Variants in CHRNB3 observed in about 807,000 individuals in gnomAD.
CHRNB3 encodes the protein neuronal acetylcholine receptor subunit beta-3.
A neutral mutation model predicts 40.6 loss-of-function variants in CHRNB3; 37 were observed. The ratio of observed to expected loss-of-function variants is 0.91; its 90% CI spans 0.70 to 1.20. CHRNB3 has a LOEUF of 1.20. CHRNB3 is among the 50% of genes most tolerant of loss of function. CHRNB3 has a pLI of 0.00. For synonymous variants in CHRNB3, 207 were observed against 207.1 expected, an observed-to-expected ratio of 1.00 and a Z score of 0.00; for missense variants, 505 against 551.2, an observed-to-expected ratio of 0.92 and a Z score of 0.84.
intron 3 of CHRNB3, among the ~76,000 whole-genome samples, chr8:42,727,917 T>A (rs2128908175): frequency 6.6e-6 from 1 of 152,116 alleles, no homozygotes; most frequent in East Asian, 1.9e-4. Flanking sequence ...TACGAGAAAA[T>A]CTTCGTGACC....
chr8:42,732,084 G>C lies in CHRNB3; in HGVS notation c.777G>C (p.Ser259=), dbSNP rs924305383. Residue 259 remains serine, a synonymous_variant, in exon 5 of 6, where the codon TCG becomes TCC. Coordinates refer to ENST00000289957, the MANE Select transcript of CHRNB3 (RefSeq NM_000749.5). The stretch of plus-strand genomic sequence containing the variant: ...CAGTTCTTGTGTTCTATTTACCTTC[G>C]GATGAAGGAGAAAAACTTTCATTAT... ...FLTVLVFYLP[S]DEGEKLSLST... is the part of the protein sequence containing the mutation. The C allele has an allele frequency of 1.2e-6, 2 of 1,613,934 alleles. No individual in the cohort carries two copies. The highest frequency in any genetic ancestry group is 1.7e-6 in the Non-Finnish European group (2 of 1,180,002).
At chr8:42,717,710 C>A (rs62518182) in intron 3 of CHRNB3, among the ~76,000 whole-genome samples, 8,725 of 151,618 alleles carry the variant, frequency 0.058, 339 homozygotes, top group Middle Eastern at 0.11. Flanking sequence ...TTAAATAGAG[C>A]TGATGCCTAG....
chr8:42,715,621 C>T (rs919775273), intron 3 of CHRNB3, among the ~76,000 whole-genome samples: 1 of 151,478 alleles, frequency 6.6e-6, no homozygotes, highest in African/African-American at 2.4e-5. Flanking sequence ...TAAGTCAATT[C>T]TCCTGTCTTA....
Position 42,731,687 on chromosome 8 carries a change from G to C in CHRNB3, c.380G>C (p.Gly127Ala), listed in dbSNP as rs78513443. The C allele has an allele frequency of 6.2e-7, 1 of 1,610,192 alleles. No homozygotes were observed. The highest frequency in any genetic ancestry group is 8.5e-7 in the Non-Finnish European group (1 of 1,177,876). ...LFENADGRFE[G>A]SLMTKVIVKS... is the part of the protein sequence containing the mutation. ...TGCAGTGCTGACGGCCGCTTCGAAG[G>C]CTCCCTGATGACCAAGGTCATCGTG... is the stretch of plus-strand genomic sequence containing the variant. The change falls in exon 5 of 6, where the codon GGC (glycine) becomes GCC (alanine). Residue 127 changes from glycine to alanine, a missense_variant. By Grantham distance (60) the Gly-to-Ala change is moderately conservative. Coordinates refer to ENST00000289957, the MANE Select transcript of CHRNB3 (RefSeq NM_000749.5).
chr8:42,703,435 A>AAAAAAAAAATATATAT lies in CHRNB3; in HGVS notation c.53-5281_53-5280insAAAAAAAATATATATA. On this transcript the variant is annotated intron_variant, in intron 1 of 5. Coordinates refer to ENST00000289957, the MANE Select transcript of CHRNB3 (RefSeq NM_000749.5). ...CAAGACTTCGTCTAAAAAAAAAAAA[A>AAAAAAAAAATATATAT]ATATTTATATATATATATATATATA... Among the ~76,000 whole-genome samples, 50 of 47,402 alleles carry AAAAAAAAAATATATAT rather than the reference A, an allele frequency of 1.1e-3. 6 individuals carry two copies. Among genetic ancestry groups the AAAAAAAAAATATATAT allele is most frequent in the South Asian group, 4.4e-3 (5 of 1,136 alleles). The allele number at this position is 47,402 out of a possible 152,430, so 31.1% of individuals were successfully genotyped here. A position where few individuals can be genotyped will look rare whatever the true frequency, so the allele number is the denominator to read the frequency against.
At chr8:42,708,245 C>T (rs1289655090) in intron 1 of CHRNB3, among the ~76,000 whole-genome samples, 5 of 151,960 alleles carry the variant, frequency 3.3e-5, no homozygotes, top group Non-Finnish European at 4.4e-5. Context: ...GGCGGACAGA[C>T]CACGAGGTCA....
chr8:42,724,180 T>G (rs1379893802), intron 3 of CHRNB3, among the ~76,000 whole-genome samples: 4 of 151,712 alleles, frequency 2.6e-5, no homozygotes, highest in Admixed American at 2.6e-4. Flanking sequence ...GCAGATCACC[T>G]GGTCAGGAGT....
At chr8:42,714,573 A>G (rs978754393) in intron 3 of CHRNB3, among the ~76,000 whole-genome samples, 7 of 152,092 alleles carry the variant, frequency 4.6e-5, no homozygotes, top group Non-Finnish European at 1.0e-4. Context: ...CCATGAAAAG[A>G]AAACCAAGAT....
chr8:42,713,137 G>A lies in CHRNB3; in HGVS notation c.249+2703G>A, dbSNP rs186340484. Among the ~76,000 whole-genome samples, 4 of 152,164 alleles carry A rather than the reference G, an allele frequency of 2.6e-5. No individual in the cohort carries two copies. In the East Asian group the frequency reaches 7.7e-4, roughly 29 times the overall value. ...ATTACAGGCATGAGCCACTTTGCCT[G>A]GCCGAGATTAAGCTCTAATCTCTCA... On this transcript the variant is annotated intron_variant, in intron 3 of 5. Transcript: ENST00000289957.
chr8:42,736,534 G>A lies in CHRNB3; in HGVS notation c.1293G>A (p.Leu431=), dbSNP rs758255214. The stretch of plus-strand genomic sequence containing the variant: ...CTCAAGTTCTTGACCGAATCTTCCT[G>A]TGGCTCTTTCTGATAGTGTCAGTAA... ...FVAQVLDRIF[L]WLFLIVSVTG... is the part of the protein sequence containing the mutation. Residue 431 remains leucine, a synonymous_variant, in exon 6 of 6, where the codon CTG becomes CTA. Transcript: ENST00000289957. 1.9e-6 allele frequency: 3 copies of A among 1,614,154 alleles called. No homozygotes were observed. Among genetic ancestry groups the A allele is most frequent in the Non-Finnish European group, 2.5e-6 (3 of 1,180,038 alleles).
Position 42,697,477 on chromosome 8 carries a change from AC to A in CHRNB3, c.-65del, listed in dbSNP as rs1339957973. 2.2e-6 allele frequency: 3 copies of A among 1,383,422 alleles called. No individual in the cohort carries two copies. Among genetic ancestry groups the A allele is most frequent in the Non-Finnish European group, 2.1e-6 (2 of 972,562 alleles). 85.7% of individuals were successfully genotyped at this position (1,383,422 alleles called of 1,614,324 possible). ...TGAACCCCTGTATTTTCTTTTCAAA[AC>A]CCCCTTTTCCAGTGGAAATGCTCTG... On this transcript the variant is annotated 5_prime_UTR_variant, in exon 1 of 6. Transcript: ENST00000289957.
chr8:42,711,885 G>A lies in CHRNB3; in HGVS notation c.249+1451G>A, dbSNP rs527510743. 4.6e-5 allele frequency among the ~76,000 whole-genome samples: 7 copies of A among 151,900 alleles called. No homozygotes were observed. In the East Asian group the frequency reaches 1.4e-3, roughly 29 times the overall value. On this transcript the variant is annotated intron_variant, in intron 3 of 5. Transcript: ENST00000289957. Reference sequence around the variant, plus strand: ...CCCTTCATCTCTTTTGGAGTCCCCAGTGTGTTTTGTTCCCATCTTTGTGTC... The same window carrying A: ...CCCTTCATCTCTTTTGGAGTCCCCAATGTGTTTTGTTCCCATCTTTGTGTC...
chr8:42,702,686 C>T (rs1815831627), intron 1 of CHRNB3, among the ~76,000 whole-genome samples: 2 of 152,122 alleles, frequency 1.3e-5, no homozygotes, highest in South Asian at 2.1e-4. Context: ...TTGCTTGAAC[C>T]CGGGAAGCAG....
In CHRNB3 at chr8:42,736,635, A is replaced by T; in HGVS notation, c.*17A>T. ...TACCATTAGGAATTTAAAAGACATA[A>T]GACTAAATTACACCTTAGACCTGAC... On this transcript the variant is annotated 3_prime_UTR_variant, in exon 6 of 6. Transcript: ENST00000289957. 6.2e-7 allele frequency: 1 copy of T among 1,614,106 alleles called. No individual in the cohort carries two copies. Among genetic ancestry groups the T allele is most frequent in the South Asian group, 1.1e-5 (1 of 91,050 alleles).
intron 2 of CHRNB3, 29 bp downstream of exon 2, chr8:42,708,897 A>G (rs1396505100): frequency 1.3e-6 from 2 of 1,599,682 alleles, no homozygotes; most frequent in African/African-American, 1.3e-5. Flanking sequence ...TTGGCTAAAA[A>G]GAACATGCAT....
chr8:42,720,706 C>A (rs1198939429), intron 3 of CHRNB3, among the ~76,000 whole-genome samples: 2 of 152,206 alleles, frequency 1.3e-5, no homozygotes, highest in Non-Finnish European at 2.9e-5. Context: ...TCTCTGGTCA[C>A]AGCTGTTAAT....
intron 3 of CHRNB3, among the ~76,000 whole-genome samples, chr8:42,729,579 C>A (rs186464757): frequency 6.6e-6 from 1 of 152,010 alleles, no homozygotes; most frequent in Non-Finnish European, 1.5e-5. Flanking sequence ...ATTTGTCAGG[C>A]ATCATGCATA....
Position 42,736,712 on chromosome 8 carries a change from C to A in CHRNB3, c.*94C>A. 7.1e-7 allele frequency: 1 copy of A among 1,412,552 alleles called. No homozygotes were observed. The highest frequency in any genetic ancestry group is 9.9e-7 in the Non-Finnish European group (1 of 1,011,954). The allele number at this position is 1,412,552 out of a possible 1,614,324, so 87.5% of individuals were successfully genotyped here. ...AAATGCATGTGCTTGTTCTACGAACCCCGAATGCGTTGTCTTTGTGGAAAT... is the reference window on the plus strand; with the variant it reads ...AAATGCATGTGCTTGTTCTACGAACACCGAATGCGTTGTCTTTGTGGAAAT... On this transcript the variant is annotated 3_prime_UTR_variant, in exon 6 of 6. Coordinates refer to ENST00000289957, the MANE Select transcript of CHRNB3 (RefSeq NM_000749.5).
intron 1 of CHRNB3, among the ~76,000 whole-genome samples, chr8:42,698,010 T>G (rs75365796): frequency 1.3e-5 from 2 of 152,196 alleles, no homozygotes; most frequent in Non-Finnish European, 2.9e-5. Flanking sequence ...ATATTTAATT[T>G]TGTCCAATAT....
Sources: allele counts gnomAD v4.1 joint callset (sites outside exome capture counted in the v4.1 genomes callset), GRCh38; gene constraint gnomAD v4.1.1; transcripts MANE v1.5; gene names NCBI Gene and HGNC (gene_info 2026-07-23, HGNC 2026-07-21).